The following PCDHA3 variants were observed in gnomAD, a reference collection of about 807,000 sequenced individuals.
PCDHA3 encodes the protein protocadherin alpha 3, also known as protocadherin alpha-3.
Under a neutral mutation model 62.2 loss-of-function variants are expected in PCDHA3, and 41 were observed. That is an observed-to-expected ratio of 0.66 (90% CI 0.51 to 0.86). The LOEUF is 0.86. Among genes scored for constraint, PCDHA3 ranks in the 40% least tolerant of loss-of-function variants. PCDHA3 has a pLI of 0.00. For missense variants in PCDHA3, 1,304 were observed against 1,241.2 expected (o/e 1.05, Z -0.76); for synonymous variants, 640 against 555.4 (o/e 1.15, Z -2.14).
intron 1 of PCDHA3, among the ~76,000 whole-genome samples, chr5:140,956,062 T>G (rs2153708941): frequency 6.6e-6 from 1 of 152,228 alleles, no homozygotes; most frequent in South Asian, 2.1e-4. Flanking sequence ...GACAATGGGG[T>G]TTTCCAGATA....
chr5:140,926,823 G>A (rs1454618329), intron 1 of PCDHA3: 2 of 1,496,880 alleles, frequency 1.3e-6, no homozygotes, highest in Non-Finnish European at 1.8e-6. Flanking sequence ...TGCTCTCCAG[G>A]AGTCCGGAGC....
At chr5:140,809,626 T>G (rs781990363) in intron 1 of PCDHA3, 36 of 1,508,500 alleles carry the variant, frequency 2.4e-5, no homozygotes, top group Non-Finnish European at 1.5e-5. Flanking sequence ...CTCTATCAAC[T>G]TCTTCGTAAA....
intron 1 of PCDHA3, chr5:140,968,382 A>G: frequency 6.2e-7 from 1 of 1,614,050 alleles, no homozygotes; most frequent in Non-Finnish European, 8.5e-7. Flanking sequence ...TCCTTTGACT[A>G]TGAGAAGTTT....
Position 140,841,426 on chromosome 5 carries a change from C to A in PCDHA3, c.2394+37835C>A, listed in dbSNP as rs17844313. 720 of 1,612,904 alleles carry A rather than the reference C, an allele frequency of 4.5e-4. 14 individuals are homozygous for A. The East Asian group carries it at 5.0e-3, about 11-fold the overall frequency. ...GGAGCGGCCAGCTCCACTACTCCGT[C>A]CCCGAGGAGGCCAAACACGGCACCT... On this transcript the variant is annotated intron_variant, in intron 1 of 3. Coordinates refer to ENST00000522353, the MANE Select transcript of PCDHA3 (RefSeq NM_018906.3).
intron 1 of PCDHA3, chr5:140,967,413 A>C: frequency 6.2e-7 from 1 of 1,613,218 alleles, no homozygotes; most frequent in Non-Finnish European, 8.5e-7. Context: ...AAGGGCCTAG[A>C]CCGGGAGCAG....
chr5:140,882,474 A>G, intron 1 of PCDHA3: 1 of 1,614,054 alleles, frequency 6.2e-7, no homozygotes, highest in Non-Finnish European at 8.5e-7. Context: ...GTGGCGTCCA[A>G]AAGACACGGG....
chr5:140,807,245 C>G, intron 1 of PCDHA3: 7 of 1,614,044 alleles, frequency 4.3e-6, no homozygotes, highest in Non-Finnish European at 5.9e-6. Flanking sequence ...CTTACTTCTT[C>G]TCCTCGCAGC....
intron 1 of PCDHA3, chr5:140,823,700 C>A: frequency 2.5e-6 from 4 of 1,613,940 alleles, no homozygotes; most frequent in South Asian, 2.2e-5. Context: ...ACCGAAGCAC[C>A]GCGCCACCGC....
intron 1 of PCDHA3, chr5:140,853,528 C>A (rs75012399): frequency 0.045 from 43,855 of 978,338 alleles, 4,320 homozygotes; most frequent in Non-Finnish European, 0.05. Flanking sequence ...CCTCCTATGT[C>A]TCTTTTCAAG....
chr5:140,937,219 T>C lies in PCDHA3; in HGVS notation c.2395-41730T>C, dbSNP rs555881657. Among the ~76,000 whole-genome samples the C allele has an allele frequency of 5.4e-3, 826 of 151,832 alleles. 4 individuals are homozygous for C. Among genetic ancestry groups the C allele is most frequent in the African/African-American group, 0.019 (796 of 41,458 alleles). ...TGCCCGGCTAATTTTTTGTATTTTT[T>C]GTAGAGACGGGGTTTCACCGTGTTA... On this transcript the variant is annotated intron_variant, in intron 1 of 3. Coordinates refer to ENST00000522353, the MANE Select transcript of PCDHA3 (RefSeq NM_018906.3).
At chr5:140,929,679 G>A (rs142104946) in intron 1 of PCDHA3, 4 of 303,052 alleles carry the variant, frequency 1.3e-5, no homozygotes, top group African/African-American at 2.2e-5. Context: ...TGAAAAATAT[G>A]TAAGAGTCTG....
At chr5:141,005,718 A>T (rs1554260304) in intron 3 of PCDHA3, among the ~76,000 whole-genome samples, 1 of 149,548 alleles carries the variant, frequency 6.7e-6, no homozygotes, top group Non-Finnish European at 1.5e-5. Context: ...AAAAAAAAAA[A>T]AAAAAAAAAA....
chr5:140,918,579 G>A (rs1396239560), intron 1 of PCDHA3, among the ~76,000 whole-genome samples: 1 of 152,112 alleles, frequency 6.6e-6, no homozygotes, highest in Admixed American at 6.5e-5. Flanking sequence ...GCTGCTATTG[G>A]CTATATGTTC....
chr5:140,867,871 A>G (rs1450375674), intron 1 of PCDHA3: 1 of 152,152 alleles, frequency 6.6e-6, no homozygotes, highest in Non-Finnish European at 1.5e-5. Flanking sequence ...TTAATTTTCT[A>G]TGTTTTAAGC....
intron 1 of PCDHA3, chr5:140,824,260 A>G (rs2150133721): frequency 2.3e-6 from 3 of 1,322,828 alleles, no homozygotes; most frequent in South Asian, 2.6e-5. Context: ...TTATTGCACT[A>G]ATTCATGTAT....
At chr5:140,826,951 A>T (rs1261323205) in intron 1 of PCDHA3, among the ~76,000 whole-genome samples, 1 of 152,224 alleles carries the variant, frequency 6.6e-6, no homozygotes, top group Non-Finnish European at 1.5e-5. Flanking sequence ...GAATAAGGCA[A>T]GCCAGGGAAA....
intron 1 of PCDHA3, chr5:140,882,520 G>C (rs2059167404): frequency 6.2e-7 from 1 of 1,614,218 alleles, no homozygotes; most frequent in Admixed American, 1.7e-5. Context: ...ATGGCATTTT[G>C]TTTGTGAATT....
rs1554121969 is a variant in PCDHA3, at chr5:140,802,242, GAGTT to G, written c.1051_1054del (p.Val351PhefsTer9). 2 of 1,614,230 alleles carry G rather than the reference GAGTT, an allele frequency of 1.2e-6. No individual in the cohort carries two copies. The highest frequency in any genetic ancestry group is 1.7e-6 in the Non-Finnish European group (2 of 1,180,040). ...TGTGGACATCAATGATAATGTACCT[GAGTT>G]AGTTATTCAATCACTATCTTTACCT... On this transcript the variant is annotated frameshift_variant, in exon 1 of 4. Coordinates refer to ENST00000522353, the MANE Select transcript of PCDHA3 (RefSeq NM_018906.3). LOFTEE classifies it high-confidence loss of function.
chr5:140,994,209 A>G (rs2097604620), intron 3 of PCDHA3, among the ~76,000 whole-genome samples: 1 of 152,142 alleles, frequency 6.6e-6, no homozygotes, highest in Non-Finnish European at 1.5e-5. Flanking sequence ...CCAGAATGGG[A>G]CCCAGGGTCT....
Sources: allele counts gnomAD v4.1 joint callset (sites outside exome capture counted in the v4.1 genomes callset), GRCh38; gene constraint gnomAD v4.1.1; transcripts MANE v1.5; gene names NCBI Gene and HGNC (gene_info 2026-07-23, HGNC 2026-07-21).